Variants in TDP1 observed in about 807,000 individuals in gnomAD.
TDP1 encodes tyrosyl-DNA phosphodiesterase 1.
In TDP1, 64 loss-of-function variants were observed where a neutral mutation model predicts 81.5. The observed-to-expected ratio is 0.79, with a 90% CI of 0.64 to 0.97. The LOEUF (loss-of-function observed/expected upper bound fraction) is 0.97, where lower values mean the gene tolerates loss of function less well. Among genes scored for constraint, TDP1 ranks in the 50% least tolerant of loss-of-function variants. The probability of loss-of-function intolerance (pLI) is 0.00; values close to 1 mark genes in which losing one functional copy is unlikely to be tolerated. For missense variants in TDP1, 723 were observed against 743.8 expected (o/e 0.97, Z 0.33); for synonymous variants, 256 against 264.3 (o/e 0.97, Z 0.30).
chr14:89,973,622 C>T (rs913716900), intron 6 of TDP1, among the ~76,000 whole-genome samples: 3 of 152,202 alleles, frequency 2.0e-5, no homozygotes, highest in African/African-American at 7.2e-5. Context: ...GCTGCTGACC[C>T]TCTCCCATTT....
intron 15 of TDP1, chr14:90,032,667 C>T (rs781046564): frequency 1.7e-5 from 14 of 822,636 alleles, no homozygotes; most frequent in Non-Finnish European, 1.9e-5. Context: ...TATATTGGAA[C>T]ACTTTCATTA....
At chr14:89,985,670 A>C (rs1596557669) in intron 10 of TDP1, among the ~76,000 whole-genome samples, 1 of 152,382 alleles carries the variant, frequency 6.6e-6, no homozygotes, top group African/African-American at 2.4e-5. Context: ...TGCACGAAGA[A>C]AGGTCATAAA....
intron 14 of TDP1, among the ~76,000 whole-genome samples, chr14:90,004,180 C>T (rs1897433362): frequency 1.3e-5 from 2 of 152,122 alleles, no homozygotes; most frequent in South Asian, 4.1e-4. Flanking sequence ...AGAGTGAAGA[C>T]AGAGCATACC....
At chr14:89,987,045 A>T (rs1895647604) in intron 10 of TDP1, 1 of 152,232 alleles carries the variant, frequency 6.6e-6, no homozygotes, top group African/African-American at 2.4e-5. Context: ...TTTAGCTGGT[A>T]TGTGTATGTA....
chr14:90,022,885 G>A lies in TDP1; in HGVS notation c.1644+3467G>A, dbSNP rs943480984. 111 of 865,954 alleles carry A rather than the reference G, an allele frequency of 1.3e-4. No individual in the cohort carries two copies. The African/African-American group carries it at 1.8e-3, about 14-fold the overall frequency. The allele number at this position is 865,954 out of a possible 1,614,324, so 53.6% of individuals were successfully genotyped here. The stretch of plus-strand genomic sequence containing the variant: ...CACAGGAGTGAGATGCTTAACTTGT[G>A]AAGGAGAGGCTGTCCAACGGAACAG... On this transcript the variant is annotated intron_variant, in intron 15 of 16. Transcript: ENST00000335725.
At chr14:89,963,985 T>C (rs1892642225) in intron 3 of TDP1, among the ~76,000 whole-genome samples, 1 of 152,176 alleles carries the variant, frequency 6.6e-6, no homozygotes, top group South Asian at 2.1e-4. Context: ...AGCAAATACT[T>C]GACAACAGTA....
intron 13 of TDP1, 28 bp downstream of exon 13, chr14:89,992,011 T>C (rs1342331662): frequency 1.3e-6 from 2 of 1,595,230 alleles, no homozygotes; most frequent in Admixed American, 1.7e-5. Flanking sequence ...ACTGCTGCTA[T>C]TGCTTCTTTA....
At chr14:89,996,477 A>G (rs1412858928) in intron 14 of TDP1, among the ~76,000 whole-genome samples, 3 of 152,116 alleles carry the variant, frequency 2.0e-5, no homozygotes, top group Admixed American at 1.3e-4. Context: ...TTCAGGTCCC[A>G]TCTCCGCCTG....
At chr14:89,991,650 G>A (rs1174745348) in intron 12 of TDP1, 1 of 984,928 alleles carries the variant, frequency 1.0e-6, no homozygotes, top group Non-Finnish European at 1.2e-6. Context: ...ACTTCGTAAA[G>A]TATATGATCA....
chr14:90,044,764 A>T lies in TDP1; in HGVS notation c.*1621A>T, dbSNP rs970275030. 6.6e-6 allele frequency: 1 copy of T among 152,118 alleles called. No individual in the cohort carries two copies. Among genetic ancestry groups the T allele is most frequent in the Non-Finnish European group, 1.5e-5 (1 of 68,026 alleles). The allele number at this position is 152,118 out of a possible 1,614,324, so 9.4% of individuals were successfully genotyped here. On this transcript the variant is annotated 3_prime_UTR_variant, in exon 17 of 17. Coordinates refer to ENST00000335725, the MANE Select transcript of TDP1 (RefSeq NM_018319.4). Reference sequence around the variant, plus strand: ...TTAAATAAACTTGAAAAGCTACTGAACTAATTTAACCAGTTGATTTTGCAG... The same window carrying T: ...TTAAATAAACTTGAAAAGCTACTGATCTAATTTAACCAGTTGATTTTGCAG...
intron 5 of TDP1, among the ~76,000 whole-genome samples, chr14:89,970,155 C>T (rs1320314511): frequency 1.3e-5 from 2 of 152,228 alleles, no homozygotes; most frequent in Non-Finnish European, 2.9e-5. Flanking sequence ...GGATTACAGG[C>T]GTGAGCCACC....
At chr14:90,036,113 T>A (rs1887788880) in intron 16 of TDP1, among the ~76,000 whole-genome samples, 1 of 152,208 alleles carries the variant, frequency 6.6e-6, no homozygotes, top group Non-Finnish European at 1.5e-5. Context: ...AGCATTTCTT[T>A]TGAAAGATAC....
intron 14 of TDP1, among the ~76,000 whole-genome samples, chr14:90,011,300 A>C (rs114912130): frequency 0.039 from 5,910 of 152,142 alleles, 376 homozygotes; most frequent in African/African-American, 0.13. Context: ...CTACCGGTAG[A>C]GTGGGGTGCT....
At chr14:89,970,217 T>A (rs1425753827) in intron 5 of TDP1, among the ~76,000 whole-genome samples, 2 of 152,220 alleles carry the variant, frequency 1.3e-5, no homozygotes, top group Non-Finnish European at 2.9e-5. Context: ...TTTGAGTTAA[T>A]CAGAACAAGA....
chr14:89,958,659 G>A (rs1891959498), intron 2 of TDP1, among the ~76,000 whole-genome samples: 1 of 152,224 alleles, frequency 6.6e-6, no homozygotes, highest in African/African-American at 2.4e-5. Flanking sequence ...GAAGGGTGGG[G>A]ATTGATCAGA....
At position 90,019,603 on chromosome 14, in the gene TDP1, T is replaced by G. The variant is rs1005027653; in HGVS notation, c.1644+185T>G. On this transcript the variant is annotated intron_variant, in intron 15 of 16. Transcript: ENST00000335725. Reference sequence around the variant, plus strand: ...CTTACTGAACACTCACCAGTCTGGGTGCAGTGGGATACCTGCTTTCAAGGC... The same window carrying G: ...CTTACTGAACACTCACCAGTCTGGGGGCAGTGGGATACCTGCTTTCAAGGC... 5.3e-5 allele frequency among the ~76,000 whole-genome samples: 8 copies of G among 152,368 alleles called. No homozygotes were observed. The South Asian group carries it at 6.2e-4, about 12-fold the overall frequency.
At chr14:90,027,398 G>A (rs556182476) in intron 15 of TDP1, among the ~76,000 whole-genome samples, 1 of 151,992 alleles carries the variant, frequency 6.6e-6, no homozygotes, top group Non-Finnish European at 1.5e-5. Flanking sequence ...TTTGGCCCAC[G>A]AGATGATGTC....
In TDP1 at chr14:89,987,847, T is replaced by A. The variant is rs73326437; in HGVS notation, c.1132-1058T>A. ...AGGAAGTGGGGAAGGAGTTGGGGAATAGTAGGGAAAAAATAATTGAAAAAA... is the reference window on the plus strand; with the variant it reads ...AGGAAGTGGGGAAGGAGTTGGGGAAAAGTAGGGAAAAAATAATTGAAAAAA... On this transcript the variant is annotated intron_variant, in intron 10 of 16. Coordinates refer to ENST00000335725, the MANE Select transcript of TDP1 (RefSeq NM_018319.4). 6.0e-3 allele frequency among the ~76,000 whole-genome samples: 905 copies of A among 152,084 alleles called. 6 individuals are homozygous for A. Among genetic ancestry groups the A allele is most frequent in the African/African-American group, 0.021 (868 of 41,482 alleles).
chr14:89,998,420 A>G (rs12879317), intron 14 of TDP1, among the ~76,000 whole-genome samples: 14,234 of 78,198 alleles, frequency 0.18, 1,919 homozygotes, highest in African/African-American at 0.37. Context: ...ATATATATAT[A>G]TATGTATGTA....
Sources: gnomAD v4.1 joint callset for allele counts (sites outside exome capture counted in the v4.1 genomes callset) on GRCh38, gnomAD v4.1.1 for gene constraint, MANE v1.5 for transcripts, NCBI Gene and HGNC (gene_info 2026-07-23, HGNC 2026-07-21) for gene names.